Variants in CFAP47 observed in about 807,000 individuals in gnomAD.
CFAP47 encodes the protein cilia- and flagella-associated protein 47.
CFAP47 carries 29 observed loss-of-function variants against 148.1 expected under a neutral mutation model. That is an observed-to-expected ratio of 0.20 (90% CI 0.15 to 0.27). The LOEUF (loss-of-function observed/expected upper bound fraction) is 0.27. Among genes scored for constraint, CFAP47 ranks in the 10% least tolerant of loss-of-function variants. CFAP47 has a pLI of 1.00. For synonymous variants in CFAP47, 664 were observed against 577.3 expected (o/e 1.15, Z -2.15); for missense variants, 1,872 against 1,697.5 (o/e 1.10, Z -1.81).
chrX:35,957,819 C>T lies in CFAP47; in HGVS notation c.1410+1623C>T, dbSNP rs1030835662. 4.7e-4 allele frequency among the ~76,000 whole-genome samples: 53 copies of T among 112,177 alleles called. 1 individual carries two copies. The highest frequency in any genetic ancestry group is 1.9e-4 in the Admixed American group (2 of 10,548). ...AGACACTGGAGAATTGTGGCCTGCACAGACTGGTCAAATGGCCTTTGACTA... is the reference window on the plus strand; with the variant it reads ...AGACACTGGAGAATTGTGGCCTGCATAGACTGGTCAAATGGCCTTTGACTA... On this transcript the variant is annotated intron_variant, in intron 8 of 63. Transcript: ENST00000378653.
chrX:36,041,431 G>C (rs1396559167), intron 25 of CFAP47, among the ~76,000 whole-genome samples: 1 of 111,624 alleles, frequency 9.0e-6, no homozygotes, highest in Non-Finnish European at 1.9e-5. Flanking sequence ...TAAGTAGAAA[G>C]CCTTTGGGTT....
At chrX:36,001,113 G>T (rs1269740162) in intron 20 of CFAP47, among the ~76,000 whole-genome samples, 1 of 111,715 alleles carries the variant, frequency 9.0e-6, no homozygotes, top group Non-Finnish European at 1.9e-5. Flanking sequence ...TTAAATATTT[G>T]TTGAATCCCA....
intron 33 of CFAP47, among the ~76,000 whole-genome samples, chrX:36,130,950 A>T (rs1569268273): frequency 9.1e-6 from 1 of 110,354 alleles, no homozygotes; most frequent in Non-Finnish European, 1.9e-5. Context: ...AGGCTGGGGG[A>T]GGTGGGGATA....
At chrX:36,144,144 G>A (rs907398320) in intron 35 of CFAP47, among the ~76,000 whole-genome samples, 15 of 111,737 alleles carry the variant, frequency 1.3e-4, no homozygotes, top group African/African-American at 4.2e-4. Flanking sequence ...CATTCTATAA[G>A]GCCTATTTAA....
chrX:35,962,926 G>GGTGTGTGTGTGTGT (rs59734260), intron 8 of CFAP47, among the ~76,000 whole-genome samples: 1 of 90,794 alleles, frequency 1.1e-5, no homozygotes, highest in African/African-American at 4.1e-5. Flanking sequence ...AATAAAATGT[G>GGTGTGTGTGTGTGT]GTGTGTGTGT....
In CFAP47 at chrX:36,033,771, C is replaced by T. The variant is rs146222957; in HGVS notation, c.3652-1924C>T. Among the ~76,000 whole-genome samples the T allele has an allele frequency of 5.3e-3, 593 of 111,099 alleles. 6 individuals are homozygous for T. Among genetic ancestry groups the T allele is most frequent in the African/African-American group, 0.019 (569 of 30,684 alleles). ...TGTGCTGATAATTGTATGGCTCATT[C>T]TATAGTCTTCAAATATTTGAAGAGT... On this transcript the variant is annotated intron_variant, in intron 23 of 63. Transcript: ENST00000378653.
chrX:35,941,275 C>T lies in CFAP47; in HGVS notation c.402-8C>T, dbSNP rs1406545127. 9.6e-7 allele frequency: 1 copy of T among 1,043,520 alleles called. No homozygotes were observed. Among genetic ancestry groups the T allele is most frequent in the Non-Finnish European group, 1.3e-6 (1 of 764,509 alleles). The allele number at this position is 1,043,520 out of a possible 1,213,427, so 86.0% of individuals were successfully genotyped here. ...ATTAATTATGTGGCCTTCTTTTCTC[C>T]TCCCTAGGTTGATTCCATCCTGTCA... On this transcript the variant is annotated splice_region_variant and splice_polypyrimidine_tract_variant and intron_variant, in intron 2 of 63. Transcript: ENST00000378653.
At chrX:36,114,420 C>G (rs1938606287) in intron 33 of CFAP47, among the ~76,000 whole-genome samples, 1 of 111,947 alleles carries the variant, frequency 8.9e-6, no homozygotes, top group African/African-American at 3.3e-5. Flanking sequence ...AGAAGGCACT[C>G]TGGCTTTTTG....
chrX:36,036,796 T>C (rs183382598), intron 24 of CFAP47, among the ~76,000 whole-genome samples: 1 of 111,860 alleles, frequency 8.9e-6, no homozygotes, highest in African/African-American at 3.2e-5. Context: ...TTAAAGCTTA[T>C]TAGAGAGTTC....
intron 49 of CFAP47, among the ~76,000 whole-genome samples, chrX:36,261,806 C>T (rs781928957): frequency 1.8e-5 from 2 of 111,749 alleles, no homozygotes; most frequent in East Asian, 2.8e-4. Context: ...AAACCGCCAT[C>T]GTCATCATGG....
intron 59 of CFAP47, 79 bp from the exon 60 acceptor site, chrX:36,353,450 C>T: frequency 1.1e-6 from 1 of 907,183 alleles, no homozygotes. Context: ...ATTTTTATGA[C>T]ATAGTTCATT....
intron 30 of CFAP47, among the ~76,000 whole-genome samples, chrX:36,090,017 T>C (rs1938157779): frequency 8.9e-6 from 1 of 111,902 alleles, no homozygotes. Context: ...GATATCACTA[T>C]CACTGAAATG....
intron 51 of CFAP47, among the ~76,000 whole-genome samples, chrX:36,288,724 A>G: frequency 9.0e-6 from 1 of 111,647 alleles, no homozygotes; most frequent in Non-Finnish European, 1.9e-5. Context: ...CAAACATAAA[A>G]GCATCCATAC....
At chrX:36,040,474 G>A (rs957942841) in intron 25 of CFAP47, among the ~76,000 whole-genome samples, 4 of 111,350 alleles carry the variant, frequency 3.6e-5, no homozygotes, top group African/African-American at 9.8e-5. Context: ...TAAATTGCAC[G>A]TTACAATTAG....
intron 48 of CFAP47, among the ~76,000 whole-genome samples, chrX:36,248,493 ATAT>A (rs1426700163): frequency 4.2e-5 from 3 of 71,075 alleles, no homozygotes; most frequent in African/African-American, 3.0e-4. Context: ...ATCACATATT[ATAT>A]CACACACACA....
chrX:36,301,268 A>G (rs782226669), intron 53 of CFAP47, 89 bp downstream of exon 53: 128 of 504,035 alleles, frequency 2.5e-4, no homozygotes, highest in Non-Finnish European at 3.9e-4. Context: ...AGTTTCTAAA[A>G]TAAAGAATAA....
At chrX:35,995,110 G>A (rs970206386) in intron 18 of CFAP47, among the ~76,000 whole-genome samples, 1 of 111,288 alleles carries the variant, frequency 9.0e-6, no homozygotes, top group African/African-American at 3.3e-5. Context: ...TTAAGAATAA[G>A]CCAGATTAAA....
Position 36,205,062 on chromosome X carries a change from A to G in CFAP47, c.6769A>G (p.Ile2257Val). The G allele has an allele frequency of 3.4e-6, 1 of 297,077 alleles. No homozygotes were observed. Among genetic ancestry groups the G allele is most frequent in the Admixed American group, 6.1e-5 (1 of 16,389 alleles). 24.5% of individuals were successfully genotyped at this position (297,077 alleles called of 1,213,427 possible). A position where few individuals can be genotyped will look rare whatever the true frequency, so the allele number is the denominator to read the frequency against. Residue 2257 changes from isoleucine (I) to valine (V), a missense_variant, in exon 45 of 64, where the codon ATT (isoleucine) becomes GTT (valine). By Grantham distance (29) the Ile-to-Val change is conservative (BLOSUM62 3). Transcript: ENST00000378653. ...TTTTTATATCCCTGAGAAAATCTCCATTCCTTGGATTCCAGAACCTCAAGT... is the reference window on the plus strand; with the variant it reads ...TTTTTATATCCCTGAGAAAATCTCCGTTCCTTGGATTCCAGAACCTCAAGT... Reference protein sequence around the residue: ...KYFYIPEKISIPWIPEPQVIK... With the variant: ...KYFYIPEKISVPWIPEPQVIK...
chrX:36,279,472 T>C (rs1383028942), intron 49 of CFAP47, among the ~76,000 whole-genome samples: 1 of 111,858 alleles, frequency 8.9e-6, no homozygotes, highest in South Asian at 3.7e-4. Flanking sequence ...AACTAAACAG[T>C]ATTTATAGGC....
Sources: allele counts gnomAD v4.1 joint callset (sites outside exome capture counted in the v4.1 genomes callset), GRCh38; gene constraint gnomAD v4.1.1; transcripts MANE v1.5; gene names NCBI Gene and HGNC (gene_info 2026-07-23, HGNC 2026-07-21).